ZFAND3: variants seen among roughly 807,000 people sequenced by gnomAD.
The protein encoded by ZFAND3 is zinc finger AN1-type containing 3, also known as AN1-type zinc finger protein 3.
A neutral mutation model predicts 29.6 loss-of-function variants in ZFAND3; 10 were observed. The observed-to-expected ratio is 0.34, with a 90% CI of 0.21 to 0.57. The LOEUF is 0.57. Ranked by LOEUF, ZFAND3 falls within the 20% of genes least tolerant of loss-of-function variation. ZFAND3 has a pLI of 0.86. For missense variants in ZFAND3, 230 were observed against 304.5 expected, an observed-to-expected ratio of 0.76 and a Z score of 1.82; for synonymous variants, 128 against 112.6, an observed-to-expected ratio of 1.14 and a Z score of -0.87.
At chr6:37,946,882 G>A (rs919612555) in intron 2 of ZFAND3, among the ~76,000 whole-genome samples, 4 of 152,168 alleles carry the variant, frequency 2.6e-5, no homozygotes, top group African/African-American at 9.7e-5. Flanking sequence ...AGAGGGTGGG[G>A]GAACTGGAGA....
rs553084576 is a variant in ZFAND3 at position 38,059,052 on chromosome 6, T to G, written c.113-2541T>G. The stretch of plus-strand genomic sequence containing the variant: ...CTTGTACTTCTCTGAATTGATATAA[T>G]AAACTATAATCTGTACTTCATAGAG... On this transcript the variant is annotated intron_variant, in intron 2 of 5. Transcript: ENST00000287218. 2.0e-5 allele frequency among the ~76,000 whole-genome samples: 3 copies of G among 152,324 alleles called. No individual in the cohort carries two copies. The East Asian group carries it at 5.8e-4, about 29-fold the overall frequency.
intron 5 of ZFAND3, among the ~76,000 whole-genome samples, chr6:38,144,749 G>C (rs553431292): frequency 1.3e-5 from 2 of 152,340 alleles, no homozygotes; most frequent in East Asian, 3.9e-4. Context: ...CTGGGCTGTG[G>C]CTTTAATAAA....
At chr6:38,076,606 C>G (rs1764558187) in intron 3 of ZFAND3, among the ~76,000 whole-genome samples, 1 of 152,132 alleles carries the variant, frequency 6.6e-6, no homozygotes, top group South Asian at 2.1e-4. Context: ...ACTTCTAACT[C>G]TGGGAGATTA....
In ZFAND3 at chr6:38,072,089, G is replaced by T. The variant is rs375542565; in HGVS notation, c.296-10303G>T. ...TTGAAAATTTGGATGCTTTGTGGTGGTAACAATTCATCTCAGACTTTTGGA... is the reference window on the plus strand; with the variant it reads ...TTGAAAATTTGGATGCTTTGTGGTGTTAACAATTCATCTCAGACTTTTGGA... On this transcript the variant is annotated intron_variant, in intron 3 of 5. Coordinates refer to ENST00000287218, the MANE Select transcript of ZFAND3 (RefSeq NM_021943.3). 1.0e-3 allele frequency among the ~76,000 whole-genome samples: 159 copies of T among 152,176 alleles called. 5 individuals are homozygous for T. The South Asian group carries it at 0.032, about 30-fold the overall frequency.
At chr6:37,850,112 A>G (rs1460458433) in intron 1 of ZFAND3, among the ~76,000 whole-genome samples, 1 of 152,176 alleles carries the variant, frequency 6.6e-6, no homozygotes, top group Admixed American at 6.5e-5. Flanking sequence ...CTATAGTAGG[A>G]GGTCTGTCTT....
At position 37,819,989 on chromosome 6, in the gene ZFAND3, C is replaced by A; in HGVS notation, c.44C>A (p.Pro15Gln). ...GSERSKAPSL[P>Q]PRCPCGFWGS... The stretch of plus-strand genomic sequence containing the variant: ...GAGCGCAGCAAAGCGCCCAGCCTGC[C>A]GCCTCGCTGTCCCTGCGGCTTCTGG... Residue 15 changes from proline to glutamine, a missense_variant, in exon 1 of 6, where the codon CCG becomes CAG. Physicochemically the swap from Pro to Gln is moderately conservative, Grantham distance 76. This residue lies in a region of ZFAND3 where 180 missense variants were observed against 202.5 expected (regional missense o/e 0.89). Coordinates refer to ENST00000287218, the MANE Select transcript of ZFAND3 (RefSeq NM_021943.3). 8.2e-7 allele frequency: 1 copy of A among 1,221,944 alleles called. No individual in the cohort carries two copies. The highest frequency in any genetic ancestry group is 3.3e-5 in the East Asian group (1 of 30,558). The allele number at this position is 1,221,944 out of a possible 1,614,324, so 75.7% of individuals were successfully genotyped here. A position where few individuals can be genotyped will look rare whatever the true frequency, so the allele number is the denominator to read the frequency against.
At chr6:37,897,267 T>C (rs541698576) in intron 1 of ZFAND3, among the ~76,000 whole-genome samples, 34 of 152,354 alleles carry the variant, frequency 2.2e-4, no homozygotes, top group African/African-American at 7.9e-4. Context: ...TTATCTGTTT[T>C]AAACATCATG....
chr6:37,985,749 C>T lies in ZFAND3; in HGVS notation c.112+55750C>T, dbSNP rs144036487. ...TAAGGTTCACAGTGCCACCAACATA[C>T]AAAGCACATGTAGTTGAAAAGTAAA... On this transcript the variant is annotated intron_variant, in intron 2 of 5. Coordinates refer to ENST00000287218, the MANE Select transcript of ZFAND3 (RefSeq NM_021943.3). Among the ~76,000 whole-genome samples, 192 of 152,200 alleles carry T rather than the reference C, an allele frequency of 1.3e-3. 1 individual carries two copies. The highest frequency in any genetic ancestry group is 3.8e-3 in the African/African-American group (159 of 41,514).
chr6:37,893,383 T>C lies in ZFAND3; in HGVS notation c.72-36576T>C, dbSNP rs373263198. 5.3e-5 allele frequency among the ~76,000 whole-genome samples: 8 copies of C among 152,322 alleles called. No homozygotes were observed. In the South Asian group the frequency reaches 1.0e-3, roughly 20 times the overall value. Reference sequence around the variant, plus strand: ...AAAAGCATTTTATGAAACAACACTTTTGATAAAAACATTCAACAAACTATG... The same window carrying C: ...AAAAGCATTTTATGAAACAACACTTCTGATAAAAACATTCAACAAACTATG... On this transcript the variant is annotated intron_variant, in intron 1 of 5. Coordinates refer to ENST00000287218, the MANE Select transcript of ZFAND3 (RefSeq NM_021943.3).
intron 1 of ZFAND3, among the ~76,000 whole-genome samples, chr6:37,926,672 A>G (rs967964866): frequency 2.0e-5 from 3 of 152,264 alleles, no homozygotes; most frequent in South Asian, 2.1e-4. Context: ...CCATTATTCA[A>G]CCTACTACCC....
chr6:38,130,237 C>T (rs1046381468), intron 5 of ZFAND3, among the ~76,000 whole-genome samples: 8 of 152,120 alleles, frequency 5.3e-5, no homozygotes, highest in African/African-American at 9.7e-5. Flanking sequence ...TCTAGGTGAA[C>T]GATCATATCA....
intron 4 of ZFAND3, among the ~76,000 whole-genome samples, chr6:38,094,683 G>T (rs1047664822): frequency 2.6e-5 from 4 of 152,098 alleles, no homozygotes; most frequent in Non-Finnish European, 5.9e-5. Context: ...TCAACTTTCA[G>T]CATCATCTCT....
rs35684874 is a variant in ZFAND3, at chr6:38,117,256, C to CTTTTT, written c.529+535_529+539dup. Among the ~76,000 whole-genome samples the CTTTTT allele has an allele frequency of 1.8e-4, 17 of 96,348 alleles. 1 individual carries two copies. Among genetic ancestry groups the CTTTTT allele is most frequent in the African/African-American group, 2.5e-4 (6 of 23,590 alleles). 63.2% of individuals were successfully genotyped at this position (96,348 alleles called of 152,430 possible). A position where few individuals can be genotyped will look rare whatever the true frequency, so the allele number is the denominator to read the frequency against. ...TAGTCAGTTAATACCTTGAAATAGC[C>CTTTTT]TTTTTTTTTTTTTTTTTTTTTTCCT... On this transcript the variant is annotated intron_variant, in intron 5 of 5. Coordinates refer to ENST00000287218, the MANE Select transcript of ZFAND3 (RefSeq NM_021943.3).
chr6:37,975,770 C>T (rs1436486535), intron 2 of ZFAND3, among the ~76,000 whole-genome samples: 1 of 152,058 alleles, frequency 6.6e-6, no homozygotes, highest in East Asian at 1.9e-4. Flanking sequence ...TATGCCAATA[C>T]CTCTTTTGAT....
chr6:37,906,819 A>G (rs183696066), intron 1 of ZFAND3, among the ~76,000 whole-genome samples: 2 of 151,708 alleles, frequency 1.3e-5, no homozygotes, highest in African/African-American at 4.8e-5. Flanking sequence ...GACCATTCGT[A>G]TATCTTCTTT....
At chr6:38,010,350 T>C (rs890811890) in intron 2 of ZFAND3, among the ~76,000 whole-genome samples, 4 of 152,192 alleles carry the variant, frequency 2.6e-5, no homozygotes, top group Admixed American at 6.5e-5. Flanking sequence ...AGTTGATTTT[T>C]TTCCCCCCTT....
chr6:37,909,127 G>A (rs1160624718), intron 1 of ZFAND3, among the ~76,000 whole-genome samples: 1 of 152,028 alleles, frequency 6.6e-6, no homozygotes, highest in African/African-American at 2.4e-5. Context: ...GATGGATTTT[G>A]TTTTAGAAGT....
intron 5 of ZFAND3, among the ~76,000 whole-genome samples, chr6:38,144,211 A>ATATATATATAATATATATATATATAT (rs70981524): frequency 4.4e-5 from 2 of 45,880 alleles, no homozygotes; most frequent in Non-Finnish European, 7.9e-5. Flanking sequence ...ATATATATAT[A>ATATATATATAATATATATATATATAT]ATATATAATA....
intron 2 of ZFAND3, among the ~76,000 whole-genome samples, chr6:37,939,069 C>G (rs1470353291): frequency 6.6e-6 from 1 of 152,166 alleles, no homozygotes; most frequent in Non-Finnish European, 1.5e-5. Flanking sequence ...AGAATTCCTA[C>G]TTGTGTTTAT....
Sources: gnomAD v4.1 joint callset for allele counts (sites outside exome capture counted in the v4.1 genomes callset) on GRCh38, gnomAD v4.1.1 for gene constraint, gnomAD v4.1.1 regional missense constraint, MANE v1.5 for transcripts, NCBI Gene and HGNC (gene_info 2026-07-23, HGNC 2026-07-21) for gene names.